Variants in BCAS3 observed in about 807,000 individuals in gnomAD.
The protein encoded by BCAS3 is BCAS4/BCAS3 fusion.
BCAS3 carries 53 observed loss-of-function variants against 116.1 expected under a neutral mutation model. The observed-to-expected ratio is 0.46, with a 90% CI of 0.37 to 0.57. The LOEUF (loss-of-function observed/expected upper bound fraction) is 0.57. Among genes scored for constraint, BCAS3 ranks in the 20% least tolerant of loss-of-function variants. BCAS3 has a pLI of 0.00. For synonymous variants in BCAS3, 391 were observed against 408.2 expected (o/e 0.96, Z 0.51); for missense variants, 917 against 1,165.4 (o/e 0.79, Z 3.10).
chr17:61,241,575 C>T lies in BCAS3; in HGVS notation c.2426-126752C>T, dbSNP rs192176121. The stretch of plus-strand genomic sequence containing the variant: ...AAAAAAATTACAAAAAAAAATTAGC[C>T]GGCCGTGGTGGCGGGTGCCTGTAGT... On this transcript the variant is annotated intron_variant, in intron 22 of 23. Coordinates refer to ENST00000407086, the MANE Select transcript of BCAS3 (RefSeq NM_017679.5). This position sits in a 1 kb window ranked among gnomAD's most constrained non-coding sequence, Gnocchi z 4.6. Among the ~76,000 whole-genome samples the T allele has an allele frequency of 1.8e-4, 28 of 151,880 alleles. No individual in the cohort carries two copies. The highest frequency in any genetic ancestry group is 2.0e-4 in the Admixed American group (3 of 15,244).
At chr17:60,932,528 T>G (rs1348155991) in intron 13 of BCAS3, among the ~76,000 whole-genome samples, 1 of 150,356 alleles carries the variant, frequency 6.7e-6, no homozygotes, top group African/African-American at 2.4e-5. Context: ...GATCACAAGG[T>G]CAGGAGATCG....
At chr17:60,804,335 G>A (rs1263724326) in intron 6 of BCAS3, among the ~76,000 whole-genome samples, 2 of 151,774 alleles carry the variant, frequency 1.3e-5, no homozygotes, top group African/African-American at 4.8e-5. Flanking sequence ...ACAAAAAATA[G>A]CTGGGCATGG....
intron 14 of BCAS3, among the ~76,000 whole-genome samples, chr17:60,982,332 G>T (rs557176457): frequency 6.6e-6 from 1 of 151,756 alleles, no homozygotes; most frequent in South Asian, 2.1e-4. Flanking sequence ...ACAGATTGGG[G>T]GTCTCACTCT....
chr17:61,197,659 C>T (rs1275591342), intron 22 of BCAS3, among the ~76,000 whole-genome samples: 1 of 152,170 alleles, frequency 6.6e-6, no homozygotes, highest in Non-Finnish European at 1.5e-5. Flanking sequence ...GTGGACCCCT[C>T]AATCAGGTAT....
intron 20 of BCAS3, among the ~76,000 whole-genome samples, chr17:61,076,352 T>C (rs2071986458): frequency 6.6e-6 from 1 of 152,068 alleles, no homozygotes; most frequent in African/African-American, 2.4e-5. Context: ...GTCTGGAAAA[T>C]CAAAAGTAAA....
At chr17:61,069,775 G>A (rs1027775878) in intron 19 of BCAS3, 3 of 657,034 alleles carry the variant, frequency 4.6e-6, no homozygotes, top group African/African-American at 1.9e-5. Context: ...GGTGGAGGCT[G>A]CAGTGAGCCG....
chr17:61,301,704 T>C (rs550131719), intron 22 of BCAS3, among the ~76,000 whole-genome samples: 3 of 152,282 alleles, frequency 2.0e-5, no homozygotes, highest in African/African-American at 7.2e-5. Flanking sequence ...CTGCCTACAT[T>C]ATAATTGATA....
intron 22 of BCAS3, among the ~76,000 whole-genome samples, chr17:61,253,328 G>A (rs1388601889): frequency 6.6e-6 from 1 of 151,476 alleles, no homozygotes; most frequent in African/African-American, 2.4e-5. Flanking sequence ...CGAGGCAGGC[G>A]GATCACCTGA....
intron 22 of BCAS3, among the ~76,000 whole-genome samples, chr17:61,207,924 A>G (rs775597477): frequency 6.6e-6 from 1 of 152,200 alleles, no homozygotes; most frequent in Non-Finnish European, 1.5e-5. Flanking sequence ...TATTAGTAAC[A>G]TGGCTAAAAA....
intron 22 of BCAS3, among the ~76,000 whole-genome samples, chr17:61,160,590 A>G (rs956027992): frequency 2.0e-5 from 3 of 152,308 alleles, no homozygotes; most frequent in Admixed American, 2.0e-4. Context: ...TCTAAATATC[A>G]CAAAAATTGT....
intron 22 of BCAS3, among the ~76,000 whole-genome samples, chr17:61,109,714 G>A (rs1001128843): frequency 1.3e-5 from 2 of 152,060 alleles, no homozygotes; most frequent in Non-Finnish European, 2.9e-5. Context: ...TTTTCCATAT[G>A]CTTGTTGGCC....
At chr17:60,795,612 A>C (rs1035369637) in intron 6 of BCAS3, among the ~76,000 whole-genome samples, 1 of 152,258 alleles carries the variant, frequency 6.6e-6, no homozygotes, top group East Asian at 1.9e-4. Flanking sequence ...TTTTGCCAAG[A>C]GTTCTAATCA....
intron 22 of BCAS3, chr17:61,086,833 C>G (rs1601120721): frequency 4.1e-6 from 4 of 985,246 alleles, no homozygotes; most frequent in Non-Finnish European, 4.8e-6. Flanking sequence ...GAGTAATTCT[C>G]TCTTCAGCTA....
At chr17:60,727,683 C>T (rs1440365003) in intron 5 of BCAS3, among the ~76,000 whole-genome samples, 1 of 152,136 alleles carries the variant, frequency 6.6e-6, no homozygotes, top group African/African-American at 2.4e-5. Flanking sequence ...ACAACCTCCC[C>T]AACTGTCAAC....
chr17:61,015,204 A>G (rs957423154), intron 15 of BCAS3, among the ~76,000 whole-genome samples: 1 of 152,212 alleles, frequency 6.6e-6, no homozygotes, highest in South Asian at 2.1e-4. Context: ...AACTGTCTTT[A>G]GAAAGATTAG....
rs1045435596 is a variant in BCAS3 at position 61,388,743 on chromosome 17, T to C, written c.2594-3234T>C. On this transcript the variant is annotated intron_variant, in intron 23 of 23. Coordinates refer to ENST00000407086, the MANE Select transcript of BCAS3 (RefSeq NM_017679.5). The surrounding 1 kb of genome is among the most constrained non-coding windows in gnomAD (Gnocchi z 6.5). ...CACGTTTCCATTTGCCGCTTGCTCGTAGGGCTGGGCGGCCGGGATGACTTG... is the reference window on the plus strand; with the variant it reads ...CACGTTTCCATTTGCCGCTTGCTCGCAGGGCTGGGCGGCCGGGATGACTTG... 3.3e-6 allele frequency: 5 copies of C among 1,529,358 alleles called. No homozygotes were observed. Among genetic ancestry groups the C allele is most frequent in the South Asian group, 1.2e-5 (1 of 83,164 alleles). The allele number at this position is 1,529,358 out of a possible 1,614,324, so 94.7% of individuals were successfully genotyped here. A position where few individuals can be genotyped will look rare whatever the true frequency, so the allele number is the denominator to read the frequency against.
intron 6 of BCAS3, among the ~76,000 whole-genome samples, chr17:60,783,816 A>G (rs1399311793): frequency 1.3e-5 from 2 of 152,202 alleles, no homozygotes; most frequent in East Asian, 1.9e-4. Flanking sequence ...CCACATTAGT[A>G]TAAACTATGA....
chr17:60,709,507 A>C (rs1434070936), intron 5 of BCAS3, 182 bp downstream of exon 5: 2 of 442,092 alleles, frequency 4.5e-6, no homozygotes, highest in Non-Finnish European at 8.2e-6. Flanking sequence ...CTCCTGCCTC[A>C]ACCTCCCGAG....
intron 6 of BCAS3, among the ~76,000 whole-genome samples, chr17:60,790,625 C>G (rs2046674971): frequency 6.6e-6 from 1 of 151,752 alleles, no homozygotes; most frequent in Admixed American, 6.6e-5. Context: ...ATTCTTGATG[C>G]TTTCTCACTA....
Sources: allele counts gnomAD v4.1 joint callset (sites outside exome capture counted in the v4.1 genomes callset), GRCh38; gene constraint gnomAD v4.1.1; non-coding constraint Gnocchi (gnomAD v3.1); transcripts MANE v1.5; gene names NCBI Gene and HGNC (gene_info 2026-07-23, HGNC 2026-07-21).